Variants in TSPAN18 observed in about 807,000 individuals in gnomAD.
TSPAN18 encodes tetraspanin-18.
A neutral mutation model predicts 27.3 loss-of-function variants in TSPAN18; 14 were observed. That is an observed-to-expected ratio of 0.51 (90% CI 0.34 to 0.80). The LOEUF is 0.80. Among genes scored for constraint, TSPAN18 ranks in the 30% least tolerant of loss-of-function variants. TSPAN18 has a pLI of 0.01. For synonymous variants in TSPAN18, 143 were observed against 136.5 expected (o/e 1.05, Z -0.33); for missense variants, 268 against 323.9 (o/e 0.83, Z 1.32).
rs1491219309 is a variant in TSPAN18 at position 44,908,768 on chromosome 11, GGA to G, written c.64-934_64-933del. ...AAAGAGAGAGAGAGAGAGAGAGAAA[GGA>G]GAAAGAAAGAAAGAAAGAAAGAAAG... On this transcript the variant is annotated intron_variant, in intron 4 of 9. Transcript: ENST00000520358. Among the ~76,000 whole-genome samples the G allele has an allele frequency of 6.3e-3, 179 of 28,244 alleles. 23 individuals are homozygous for G. Among genetic ancestry groups the G allele is most frequent in the African/African-American group, 0.016 (145 of 8,798 alleles). 18.5% of individuals were successfully genotyped at this position (28,244 alleles called of 152,430 possible).
At chr11:44,923,998 A>C (rs759072276) in intron 8 of TSPAN18, among the ~76,000 whole-genome samples, 1 of 152,154 alleles carries the variant, frequency 6.6e-6, no homozygotes, top group Non-Finnish European at 1.5e-5. Flanking sequence ...TCTGCTGGAC[A>C]AGGTCCCCGG....
intron 8 of TSPAN18, among the ~76,000 whole-genome samples, chr11:44,926,060 C>T (rs1478984188): frequency 6.6e-6 from 1 of 152,204 alleles, no homozygotes; most frequent in Non-Finnish European, 1.5e-5. Context: ...AGTCCAGGGC[C>T]TGTGGACTGG....
chr11:44,862,646 T>A (rs1451756379), intron 3 of TSPAN18, among the ~76,000 whole-genome samples: 1 of 152,192 alleles, frequency 6.6e-6, no homozygotes, highest in Non-Finnish European at 1.5e-5. Flanking sequence ...TTCCCTGACC[T>A]CTCCTCTGGG....
intron 2 of TSPAN18, among the ~76,000 whole-genome samples, chr11:44,805,924 T>C (rs1856582942): frequency 6.6e-6 from 1 of 152,142 alleles, no homozygotes. Flanking sequence ...ATTTAGTACC[T>C]ACTCTAATCC....
chr11:44,804,444 C>T (rs1475856197), intron 2 of TSPAN18, among the ~76,000 whole-genome samples: 1 of 152,144 alleles, frequency 6.6e-6, no homozygotes, highest in East Asian at 1.9e-4. Flanking sequence ...TTTTTGACTT[C>T]TGTGGACCCA....
At chr11:44,735,052 A>T (rs1302382012) in intron 1 of TSPAN18, among the ~76,000 whole-genome samples, 1 of 152,184 alleles carries the variant, frequency 6.6e-6, no homozygotes, top group East Asian at 1.9e-4. Context: ...TAGGAAGAGG[A>T]TGGTCTCTGA....
intron 3 of TSPAN18, among the ~76,000 whole-genome samples, chr11:44,896,708 G>A (rs1019279251): frequency 6.6e-6 from 1 of 151,982 alleles, no homozygotes; most frequent in African/African-American, 2.4e-5. Context: ...CCAGAGTTAT[G>A]CCGGTGGAGT....
In TSPAN18 at chr11:44,849,593, C is replaced by T. The variant is rs111985861; in HGVS notation, c.-152-10735C>T. Among the ~76,000 whole-genome samples the T allele has an allele frequency of 3.8e-3, 578 of 152,248 alleles. 7 individuals carry two copies. The highest frequency in any genetic ancestry group is 0.013 in the African/African-American group (526 of 41,534). On this transcript the variant is annotated intron_variant, in intron 2 of 9. Coordinates refer to ENST00000520358, the MANE Select transcript of TSPAN18 (RefSeq NM_130783.5). ...GGGATCTCTGAGCAAGGTGGCTTCA[C>T]AGCCAACAGCAGTTCCCCTGGAGAA...
chr11:44,795,849 C>T (rs1290174392), intron 2 of TSPAN18, among the ~76,000 whole-genome samples: 1 of 152,048 alleles, frequency 6.6e-6, no homozygotes, highest in Non-Finnish European at 1.5e-5. Flanking sequence ...GCACCAAGGA[C>T]CTTTGGAGGC....
At chr11:44,911,803 C>T (rs1409196806) in intron 5 of TSPAN18, among the ~76,000 whole-genome samples, 1 of 152,084 alleles carries the variant, frequency 6.6e-6, no homozygotes, top group Non-Finnish European at 1.5e-5. Context: ...TCCTCCCTCC[C>T]GTGCTATGCG....
At chr11:44,742,726 G>C (rs1854974254) in intron 1 of TSPAN18, among the ~76,000 whole-genome samples, 1 of 152,214 alleles carries the variant, frequency 6.6e-6, no homozygotes, top group Non-Finnish European at 1.5e-5. Context: ...CCTGCCCCCA[G>C]CGTGCTGACT....
chr11:44,860,021 C>T (rs1457241730), intron 2 of TSPAN18, among the ~76,000 whole-genome samples: 3 of 152,222 alleles, frequency 2.0e-5, no homozygotes, highest in Admixed American at 6.5e-5. Context: ...AATCATGAAA[C>T]ATTTGCTGAA....
At chr11:44,772,083 A>G (rs1220347731) in intron 2 of TSPAN18, among the ~76,000 whole-genome samples, 2 of 152,228 alleles carry the variant, frequency 1.3e-5, no homozygotes, top group Non-Finnish European at 2.9e-5. Flanking sequence ...CCTCTTACTC[A>G]GCCTTTTGGT....
At chr11:44,849,660 C>T (rs933872771) in intron 2 of TSPAN18, among the ~76,000 whole-genome samples, 2 of 150,554 alleles carry the variant, frequency 1.3e-5, no homozygotes, top group African/African-American at 2.4e-5. Context: ...ATGGGTGTCC[C>T]GTCCAGGAAA....
intron 8 of TSPAN18, chr11:44,926,460 C>A (rs1860358095): frequency 1.8e-6 from 1 of 563,544 alleles, no homozygotes; most frequent in Non-Finnish European, 3.2e-6. Flanking sequence ...ACCTTAGGGG[C>A]CGGGTGGCAA....
At position 44,866,837 on chromosome 11, in the gene TSPAN18, C is replaced by T. The variant is rs533148844; in HGVS notation, c.-11+6368C>T. Among the ~76,000 whole-genome samples, 75 of 152,308 alleles carry T rather than the reference C, an allele frequency of 4.9e-4. 1 individual carries two copies. Among genetic ancestry groups the T allele is most frequent in the Non-Finnish European group, 9.3e-4 (63 of 68,040 alleles). ...TTTCTGACTGGCCTGGGAAACCAGC[C>T]GCCCCCAAGGCATAGGACCCAAAGA... On this transcript the variant is annotated intron_variant, in intron 3 of 9. Transcript: ENST00000520358.
At chr11:44,883,387 C>A (rs1473959699) in intron 3 of TSPAN18, among the ~76,000 whole-genome samples, 1 of 152,164 alleles carries the variant, frequency 6.6e-6, no homozygotes, top group African/African-American at 2.4e-5. Flanking sequence ...GGCACAGTGG[C>A]CCTCGGTAGA....
chr11:44,832,547 T>G (rs150250998), intron 2 of TSPAN18, among the ~76,000 whole-genome samples: 1 of 152,332 alleles, frequency 6.6e-6, no homozygotes, highest in East Asian at 1.9e-4. Flanking sequence ...CTTCTTCCCA[T>G]GCTGACAGCT....
intron 2 of TSPAN18, among the ~76,000 whole-genome samples, chr11:44,841,345 C>T (rs577330979): frequency 6.6e-6 from 1 of 152,132 alleles, no homozygotes; most frequent in South Asian, 2.1e-4. Flanking sequence ...GGTGAAACCC[C>T]CATCTCTATT....
Sources: gnomAD v4.1 joint callset for allele counts (sites outside exome capture counted in the v4.1 genomes callset) on GRCh38, gnomAD v4.1.1 for gene constraint, MANE v1.5 for transcripts, NCBI Gene and HGNC (gene_info 2026-07-23, HGNC 2026-07-21) for gene names.